DUSP19: variants seen among roughly 807,000 people sequenced by gnomAD.
The protein encoded by DUSP19 is dual specificity phosphatase 19.
A neutral mutation model predicts 16.6 loss-of-function variants in DUSP19; 14 were observed. That is an observed-to-expected ratio of 0.84 (90% CI 0.56 to 1.32). DUSP19 has a LOEUF of 1.32. DUSP19 is among the 40% of genes most tolerant of loss of function. The pLI is 0.00. For missense variants in DUSP19, 258 were observed against 255.9 expected (o/e 1.01, Z -0.06); for synonymous variants, 81 against 90.5 (o/e 0.90, Z 0.59).
chr2:183,078,850 C>G lies in DUSP19; in HGVS notation c.-84C>G. On this transcript the variant is annotated 5_prime_UTR_variant, in exon 1 of 4. Transcript: ENST00000354221. ...AGCACCTCTGAGGCTGGCTTTGTTA[C>G]CTGGGCAATAAGGGACTAGCAGTTC... 7.7e-7 allele frequency: 1 copy of G among 1,294,494 alleles called. No homozygotes were observed. Among genetic ancestry groups the G allele is most frequent in the South Asian group, 1.4e-5 (1 of 73,228 alleles). The allele number at this position is 1,294,494 out of a possible 1,614,324, so 80.2% of individuals were successfully genotyped here.
intron 2 of DUSP19, among the ~76,000 whole-genome samples, chr2:183,086,510 C>A (rs577565372): frequency 6.6e-6 from 1 of 151,972 alleles, no homozygotes; most frequent in South Asian, 2.1e-4. Context: ...AAGTCCAGGG[C>A]TATGAAAATA....
rs1180500042 is a variant in DUSP19 at position 183,079,795 on chromosome 2, C to T, written c.226+636C>T. ...TAAAAGTGCAAACTTGTTAATTTGG[C>T]AAGAATATGGTATGGTGTTCTTAAA... is the stretch of plus-strand genomic sequence containing the variant. On this transcript the variant is annotated intron_variant, in intron 1 of 3. Transcript: ENST00000354221. Among the ~76,000 whole-genome samples the T allele has an allele frequency of 2.6e-5, 4 of 152,082 alleles. No individual in the cohort carries two copies. In the South Asian group the frequency reaches 8.3e-4, roughly 31 times the overall value.
At chr2:183,093,168 G>A (rs1272901244) in intron 3 of DUSP19, among the ~76,000 whole-genome samples, 1 of 152,158 alleles carries the variant, frequency 6.6e-6, no homozygotes, top group Non-Finnish European at 1.5e-5. Context: ...CAAGAACAAA[G>A]ACAACTCTAT....
Position 183,095,411 on chromosome 2 carries a change from G to GTT in DUSP19, c.427-18_427-17dup. On this transcript the variant is annotated intron_variant, in intron 3 of 3. Coordinates refer to ENST00000354221, the MANE Select transcript of DUSP19 (RefSeq NM_080876.4). ...TCTCAAATGAATAATGAAGATTTTT[G>GTT]TTTGTTTTTTTTTTTGTAGGATGGA... 1 of 1,543,662 alleles carries GTT rather than the reference G, an allele frequency of 6.5e-7. No individual in the cohort carries two copies.
At chr2:183,085,211 G>T (rs184181702) in intron 2 of DUSP19, among the ~76,000 whole-genome samples, 1 of 152,074 alleles carries the variant, frequency 6.6e-6, no homozygotes, top group African/African-American at 2.4e-5. Flanking sequence ...AAGCTGCCTG[G>T]GGAAAAGTGT....
Position 183,095,666 on chromosome 2 carries a change from TG to T in DUSP19, c.*9del. The T allele has an allele frequency of 6.3e-7, 1 of 1,597,988 alleles. No individual in the cohort carries two copies. Among genetic ancestry groups the T allele is most frequent in the South Asian group, 1.1e-5 (1 of 89,314 alleles). On this transcript the variant is annotated 3_prime_UTR_variant, in exon 4 of 4. Transcript: ENST00000354221. The stretch of plus-strand genomic sequence containing the variant: ...CAGGAGAACAGTTCATGAGTTGCAT[TG>T]TAGCAGACAATGGACAACTGTAGTT...
At chr2:183,093,229 G>A (rs1235772395) in intron 3 of DUSP19, among the ~76,000 whole-genome samples, 3 of 152,130 alleles carry the variant, frequency 2.0e-5, no homozygotes, top group African/African-American at 7.2e-5. Context: ...GTTACTACTT[G>A]CCCATAGCAA....
intron 1 of DUSP19, among the ~76,000 whole-genome samples, chr2:183,081,504 C>T (rs1426873803): frequency 6.6e-6 from 1 of 152,146 alleles, no homozygotes; most frequent in Non-Finnish European, 1.5e-5. Context: ...GCCTTGGCCT[C>T]CCAAATTTCT....
In DUSP19 at chr2:183,097,963, C is replaced by G. The variant is rs1699825406; in HGVS notation, c.*2305C>G. The G allele has an allele frequency of 6.6e-6, 1 of 152,272 alleles. No individual in the cohort carries two copies. Among genetic ancestry groups the G allele is most frequent in the African/African-American group, 2.4e-5 (1 of 41,452 alleles). The allele number at this position is 152,272 out of a possible 1,614,324, so 9.4% of individuals were successfully genotyped here. A position where few individuals can be genotyped will look rare whatever the true frequency, so the allele number is the denominator to read the frequency against. The stretch of plus-strand genomic sequence containing the variant: ...CTGGAGTGCAGTGGCGTGATCTTGG[C>G]TCACTGCAACCTCTGCCTCCCAGCT... On this transcript the variant is annotated 3_prime_UTR_variant, in exon 4 of 4. Coordinates refer to ENST00000354221, the MANE Select transcript of DUSP19 (RefSeq NM_080876.4).
At chr2:183,095,255 G>A (rs1004841957) in intron 3 of DUSP19, among the ~76,000 whole-genome samples, 176 bp from the exon 4 acceptor site, 1 of 152,052 alleles carries the variant, frequency 6.6e-6, no homozygotes, top group African/African-American at 2.4e-5. Flanking sequence ...GATTGATTGA[G>A]TTTCCATTTG....
intron 3 of DUSP19, among the ~76,000 whole-genome samples, chr2:183,094,659 A>C (rs1463271177): frequency 6.6e-6 from 1 of 152,062 alleles, no homozygotes; most frequent in Non-Finnish European, 1.5e-5. Context: ...TCATTTATTG[A>C]CCTCATGCTG....
intron 3 of DUSP19, among the ~76,000 whole-genome samples, chr2:183,090,923 G>C (rs1699724237): frequency 6.6e-6 from 1 of 152,214 alleles, no homozygotes; most frequent in Non-Finnish European, 1.5e-5. Context: ...GGGGAGGGCT[G>C]ACGGGGTGCT....
chr2:183,093,266 ACACTT>A (rs959413004), intron 3 of DUSP19, among the ~76,000 whole-genome samples: 6 of 152,210 alleles, frequency 3.9e-5, no homozygotes, highest in African/African-American at 1.4e-4. Context: ...TTTTGAAAGA[ACACTT>A]TCCTTTCAGA....
Position 183,078,833 on chromosome 2 carries a change from T to A in DUSP19, c.-101T>A. On this transcript the variant is annotated 5_prime_UTR_variant, in exon 1 of 4. The change abolishes the stop of an existing upstream ORF in the 5' untranslated region. Coordinates refer to ENST00000354221, the MANE Select transcript of DUSP19 (RefSeq NM_080876.4). Reference sequence around the variant, plus strand: ...GGTTACCTGGATGGGCGAGCACCTCTGAGGCTGGCTTTGTTACCTGGGCAA... The same window carrying A: ...GGTTACCTGGATGGGCGAGCACCTCAGAGGCTGGCTTTGTTACCTGGGCAA... The A allele has an allele frequency of 9.3e-7, 1 of 1,076,028 alleles. No homozygotes were observed. Among genetic ancestry groups the A allele is most frequent in the Non-Finnish European group, 1.3e-6 (1 of 740,932 alleles). 66.7% of individuals were successfully genotyped at this position (1,076,028 alleles called of 1,614,324 possible).
Position 183,078,877 on chromosome 2 carries a change from G to C in DUSP19, c.-57G>C. 1 of 1,531,528 alleles carries C rather than the reference G, an allele frequency of 6.5e-7. No homozygotes were observed. The allele number at this position is 1,531,528 out of a possible 1,614,324, so 94.9% of individuals were successfully genotyped here. ...TGGGCAATAAGGGACTAGCAGTTCA[G>C]CCGTTTTCTATGCCTGCTGGATTTG... On this transcript the variant is annotated 5_prime_UTR_variant, in exon 1 of 4. Coordinates refer to ENST00000354221, the MANE Select transcript of DUSP19 (RefSeq NM_080876.4).
intron 1 of DUSP19, among the ~76,000 whole-genome samples, chr2:183,082,350 G>A (rs906749910): frequency 6.8e-6 from 1 of 146,170 alleles, no homozygotes; most frequent in Non-Finnish European, 1.5e-5. Flanking sequence ...CATATTTTTT[G>A]TTGTTATAAA....
rs1272789803 is a variant in DUSP19 at position 183,095,510 on chromosome 2, A to G, written c.506A>G (p.Glu169Gly). The G allele has an allele frequency of 6.2e-7, 1 of 1,613,856 alleles. No individual in the cohort carries two copies. The highest frequency in any genetic ancestry group is 8.5e-7 in the Non-Finnish European group (1 of 1,179,946). ...GTAATAGGTTTCCTGATGAATTCTG[A>G]ACAAACCTCATTTACCAGTGCTTTT... is the stretch of plus-strand genomic sequence containing the variant. ...AIVIGFLMNS[E>G]QTSFTSAFSL... is the part of the protein sequence containing the mutation. Residue 169 changes from glutamate (E) to glycine (G), a missense_variant, in exon 4 of 4, where the codon GAA becomes GGA. Coordinates refer to ENST00000354221, the MANE Select transcript of DUSP19 (RefSeq NM_080876.4).
rs1173015219 is a variant in DUSP19 at position 183,097,375 on chromosome 2, T to C, written c.*1717T>C. 1.3e-5 allele frequency: 2 copies of C among 152,136 alleles called. No individual in the cohort carries two copies. The highest frequency in any genetic ancestry group is 4.8e-5 in the African/African-American group (2 of 41,430). The allele number at this position is 152,136 out of a possible 1,614,324, so 9.4% of individuals were successfully genotyped here. A position where few individuals can be genotyped will look rare whatever the true frequency, so the allele number is the denominator to read the frequency against. ...CATGACTTAGAAGATATCATTGCCATGTAGGTTTTATTTTTAAAAGTCTTG... is the reference window on the plus strand; with the variant it reads ...CATGACTTAGAAGATATCATTGCCACGTAGGTTTTATTTTTAAAAGTCTTG... On this transcript the variant is annotated 3_prime_UTR_variant, in exon 4 of 4. Transcript: ENST00000354221.
At position 183,085,847 on chromosome 2, in the gene DUSP19, GTTTTTTTTTTTTTT is replaced by G. The variant is rs71008261; in HGVS notation, c.274-1170_274-1157del. On this transcript the variant is annotated intron_variant, in intron 2 of 3. Transcript: ENST00000354221. Reference sequence around the variant, plus strand: ...GTACAGATGTGGACAAGGTTGTTAGGTTTTTTTTTTTTTTTTTTTTTTTTTTTTTTTTTTTTGAG... The same window carrying G: ...GTACAGATGTGGACAAGGTTGTTAGGTTTTTTTTTTTTTTTTTTTTTTGAG... Among the ~76,000 whole-genome samples the G allele has an allele frequency of 2.2e-3, 110 of 50,918 alleles. 1 individual carries two copies. In the East Asian group the frequency reaches 0.048, roughly 22 times the overall value. The allele number at this position is 50,918 out of a possible 152,430, so 33.4% of individuals were successfully genotyped here. A position where few individuals can be genotyped will look rare whatever the true frequency, so the allele number is the denominator to read the frequency against.
Sources: gnomAD v4.1 joint callset for allele counts (sites outside exome capture counted in the v4.1 genomes callset) on GRCh38, gnomAD v4.1.1 for gene constraint, MANE v1.5 for transcripts, NCBI Gene and HGNC (gene_info 2026-07-23, HGNC 2026-07-21) for gene names.